Variants in DDX10 observed in about 807,000 individuals in gnomAD.
The protein encoded by DDX10 is DEAD-box helicase 10, also known as probable ATP-dependent RNA helicase DDX10.
In DDX10, 74 loss-of-function variants were observed where a neutral mutation model predicts 104.3. The ratio of observed to expected loss-of-function variants is 0.71; its 90% CI spans 0.59 to 0.86. The LOEUF is 0.86. DDX10 is among the 40% of genes least tolerant of loss of function. The pLI, the probability that DDX10 is intolerant of heterozygous loss-of-function variation, is 0.00. For missense variants in DDX10, 952 were observed against 1,040.0 expected (o/e 0.92, Z 1.16); for synonymous variants, 351 against 353.4 (o/e 0.99, Z 0.08).
At chr11:108,694,780 C>G (rs1475613522) in intron 9 of DDX10, among the ~76,000 whole-genome samples, 1 of 152,168 alleles carries the variant, frequency 6.6e-6, no homozygotes, top group Non-Finnish European at 1.5e-5. Context: ...CCTTGGGAGG[C>G]TGAGGCAGGA....
At chr11:108,890,494 G>A (rs1863360893) in intron 16 of DDX10, among the ~76,000 whole-genome samples, 1 of 151,442 alleles carries the variant, frequency 6.6e-6, no homozygotes, top group Admixed American at 6.6e-5. Context: ...TTCCTGTAGT[G>A]CTGCAGCATC....
intron 13 of DDX10, among the ~76,000 whole-genome samples, chr11:108,778,346 A>C (rs2094372975): frequency 6.6e-6 from 1 of 152,226 alleles, no homozygotes. Context: ...CAAAACAGAG[A>C]TATAGACCAA....
intron 13 of DDX10, among the ~76,000 whole-genome samples, chr11:108,780,146 A>G (rs1361428766): frequency 6.6e-6 from 1 of 152,186 alleles, no homozygotes; most frequent in African/African-American, 2.4e-5. Flanking sequence ...ATAGCTATCG[A>G]TGTGTTTTGC....
chr11:108,819,261 C>T (rs1055629710), intron 13 of DDX10, among the ~76,000 whole-genome samples: 3 of 151,980 alleles, frequency 2.0e-5, no homozygotes, highest in African/African-American at 7.3e-5. Flanking sequence ...GTTTTTTCTC[C>T]CCAGCTTTAT....
At chr11:108,899,125 T>A (rs1863480491) in intron 16 of DDX10, among the ~76,000 whole-genome samples, 2 of 152,158 alleles carry the variant, frequency 1.3e-5, no homozygotes, top group Non-Finnish European at 2.9e-5. Context: ...ATTCTCACTT[T>A]CTCACTTTTC....
chr11:108,672,527 T>G (rs1036142453), intron 1 of DDX10, among the ~76,000 whole-genome samples: 1 of 152,250 alleles, frequency 6.6e-6, no homozygotes, highest in Non-Finnish European at 1.5e-5. Flanking sequence ...TTAATATTTG[T>G]ATTTTCAGCA....
chr11:108,754,602 A>C (rs1421938796), intron 13 of DDX10, among the ~76,000 whole-genome samples: 2 of 152,066 alleles, frequency 1.3e-5, no homozygotes, highest in Non-Finnish European at 1.5e-5. Context: ...GATTAAAAGC[A>C]CTTGGAAATG....
intron 13 of DDX10, among the ~76,000 whole-genome samples, chr11:108,786,119 C>T (rs536316515): frequency 1.9e-4 from 29 of 152,194 alleles, no homozygotes; most frequent in Non-Finnish European, 3.4e-4. Flanking sequence ...ATGGTTCATT[C>T]AGAAGCAGGT....
intron 13 of DDX10, among the ~76,000 whole-genome samples, chr11:108,784,677 C>T (rs1313804937): frequency 6.6e-6 from 1 of 152,126 alleles, no homozygotes; most frequent in African/African-American, 2.4e-5. Context: ...TTTTGGTGTG[C>T]AGAAGCTCTT....
chr11:108,811,008 T>G (rs978531157), intron 13 of DDX10, among the ~76,000 whole-genome samples: 1 of 152,194 alleles, frequency 6.6e-6, no homozygotes, highest in Admixed American at 6.5e-5. Flanking sequence ...TCCAGTGGAA[T>G]ATAAACTCTC....
chr11:108,841,317 G>A lies in DDX10; in HGVS notation c.2088G>A (p.Leu696=). 6.2e-7 allele frequency: 1 copy of A among 1,611,624 alleles called. No homozygotes were observed. The highest frequency in any genetic ancestry group is 8.5e-7 in the Non-Finnish European group (1 of 1,179,426). The change falls in exon 15 of 18, where the codon TTG becomes TTA. Residue 696 remains leucine (L), a splice_region_variant and synonymous_variant. Transcript: ENST00000322536. ...KKITFTDEGE[L]VQQWPQMQKS... The stretch of plus-strand genomic sequence containing the variant: ...ACTGACCTTTTTTTTACCTGTAGTT[G>A]GTTCAGCAGTGGCCACAAATGCAGA...
At chr11:108,690,720 G>T in intron 7 of DDX10, 1 of 195,252 alleles carries the variant, frequency 5.1e-6, no homozygotes, top group East Asian at 1.6e-4. Flanking sequence ...GATGCCCCCA[G>T]GAAAATGTCA....
At chr11:108,707,528 G>A (rs2094277786) in intron 10 of DDX10, among the ~76,000 whole-genome samples, 2 of 151,768 alleles carry the variant, frequency 1.3e-5, no homozygotes, top group South Asian at 4.1e-4. Flanking sequence ...AGATTTTTTT[G>A]TTAGTTTTGT....
chr11:108,766,293 C>T (rs1006084192), intron 13 of DDX10, among the ~76,000 whole-genome samples: 1 of 152,150 alleles, frequency 6.6e-6, no homozygotes, highest in African/African-American at 2.4e-5. Flanking sequence ...TACGTATTCC[C>T]AGTTCTTCCT....
At chr11:108,879,309 T>G (rs1027476943) in intron 16 of DDX10, among the ~76,000 whole-genome samples, 1 of 152,206 alleles carries the variant, frequency 6.6e-6, no homozygotes, top group Non-Finnish European at 1.5e-5. Context: ...CGAAATTTTC[T>G]AAGTCTTCTA....
chr11:108,840,316 G>A (rs1432642776), intron 14 of DDX10, among the ~76,000 whole-genome samples: 4 of 152,176 alleles, frequency 2.6e-5, no homozygotes, highest in Admixed American at 1.3e-4. Context: ...TAATACCTGC[G>A]ATGTGTGTGC....
At chr11:108,734,111 T>C (rs899180017) in intron 13 of DDX10, among the ~76,000 whole-genome samples, 2 of 152,176 alleles carry the variant, frequency 1.3e-5, no homozygotes, top group African/African-American at 4.8e-5. Context: ...TTTTTTTCTT[T>C]TTCTTGACAT....
intron 1 of DDX10, 125 bp downstream of exon 1, chr11:108,665,464 A>C: frequency 8.8e-7 from 1 of 1,133,258 alleles, no homozygotes; most frequent in South Asian, 1.7e-5. Context: ...ATGAGAGGTC[A>C]CGCCGGGTGC....
intron 16 of DDX10, among the ~76,000 whole-genome samples, chr11:108,907,772 A>G (rs1426784572): frequency 6.6e-6 from 1 of 152,246 alleles, no homozygotes; most frequent in Non-Finnish European, 1.5e-5. Flanking sequence ...GAGATGCACC[A>G]AATACATACA....
Sources: gnomAD v4.1 joint callset for allele counts (sites outside exome capture counted in the v4.1 genomes callset) on GRCh38, gnomAD v4.1.1 for gene constraint, MANE v1.5 for transcripts, NCBI Gene and HGNC (gene_info 2026-07-23, HGNC 2026-07-21) for gene names.